The following USP42 variants were observed in gnomAD, a reference collection of about 807,000 sequenced individuals.
USP42 encodes ubiquitin specific peptidase 42, also known as ubiquitin carboxyl-terminal hydrolase 42.
USP42 carries 23 observed loss-of-function variants against 113.0 expected under a neutral mutation model. That is an observed-to-expected ratio of 0.20 (90% CI 0.15 to 0.29). The LOEUF (loss-of-function observed/expected upper bound fraction) is 0.29. Among genes scored for constraint, USP42 ranks in the 10% least tolerant of loss-of-function variants. The pLI, the probability that USP42 is intolerant of heterozygous loss-of-function variation, is 1.00. For synonymous variants in USP42, 933 were observed against 699.0 expected, an observed-to-expected ratio of 1.33 and a Z score of -5.28; for missense variants, 2,174 against 1,779.8, an observed-to-expected ratio of 1.22 and a Z score of -3.99.
At chr7:6,152,463 C>T (rs915839769) in intron 14 of USP42, among the ~76,000 whole-genome samples, 2 of 152,312 alleles carry the variant, frequency 1.3e-5, no homozygotes, top group African/African-American at 4.8e-5. Flanking sequence ...TTCATGCTGG[C>T]GGGGCTCCCA....
intron 3 of USP42, 110 bp downstream of exon 3, chr7:6,115,633 A>G: frequency 7.4e-7 from 1 of 1,354,372 alleles, no homozygotes; most frequent in Non-Finnish European, 1.0e-6. Context: ...ATTACTAAGA[A>G]GTTGGTTTAT....
chr7:6,109,039 C>T (rs1010139824), intron 1 of USP42, among the ~76,000 whole-genome samples: 2 of 152,144 alleles, frequency 1.3e-5, no homozygotes, highest in Non-Finnish European at 2.9e-5. Flanking sequence ...AGCACAGTAC[C>T]GTAGAAATCA....
At chr7:6,138,206 A>AT (rs1291061092) in intron 4 of USP42, among the ~76,000 whole-genome samples, 2 of 152,180 alleles carry the variant, frequency 1.3e-5, no homozygotes, top group African/African-American at 4.8e-5. Flanking sequence ...AAAATTCAGT[A>AT]TATATGTTTT....
chr7:6,141,490 C>G (rs1273094307), intron 7 of USP42, among the ~76,000 whole-genome samples: 1 of 151,868 alleles, frequency 6.6e-6, no homozygotes, highest in African/African-American at 2.4e-5. Flanking sequence ...GCCACCGCGC[C>G]CGGCCTGAAT....
chr7:6,149,609 A>T lies in USP42; in HGVS notation c.1413A>T (p.Gly471=), dbSNP rs1421825740. 6.2e-7 allele frequency: 1 copy of T among 1,613,886 alleles called. No homozygotes were observed. Among genetic ancestry groups the T allele is most frequent in the Non-Finnish European group, 8.5e-7 (1 of 1,179,854 alleles). Residue 471 remains glycine, a synonymous_variant, in exon 13 of 18, where the codon GGA becomes GGT. Transcript: ENST00000306177. ...IKNPPHLNGT[G]PLKDTPSSSM... ...ATCCACCTCACTTAAATGGGACTGG[A>T]CCATTGAAAGACACGCCAAGCAGTT...
rs775071035 is a variant in USP42 at position 6,139,243 on chromosome 7, G to A, written c.656+49G>A. On this transcript the variant is annotated intron_variant, in intron 5 of 17. Coordinates refer to ENST00000306177, the MANE Select transcript of USP42 (RefSeq NM_032172.3). This position sits in a 1 kb window ranked among gnomAD's most constrained non-coding sequence, Gnocchi z 4.5. ...ATGTCTTCATTGGGGATCTCTGGTT[G>A]TAGTTTATTCTTATCAGAATTCATT... 3 of 1,380,024 alleles carry A rather than the reference G, an allele frequency of 2.2e-6. No individual in the cohort carries two copies. Among genetic ancestry groups the A allele is most frequent in the Middle Eastern group, 1.8e-4 (1 of 5,554 alleles). 85.5% of individuals were successfully genotyped at this position (1,380,024 alleles called of 1,614,324 possible).
At chr7:6,116,817 C>T (rs776575394) in intron 3 of USP42, 2 of 533,228 alleles carry the variant, frequency 3.8e-6, no homozygotes, top group Non-Finnish European at 3.8e-6. Flanking sequence ...TCCCCACAGA[C>T]AGCTTTCCTA....
At chr7:6,121,077 T>G (rs1583600747) in intron 3 of USP42, among the ~76,000 whole-genome samples, 1 of 152,154 alleles carries the variant, frequency 6.6e-6, no homozygotes, top group African/African-American at 2.4e-5. Flanking sequence ...CGCAACTATG[T>G]GATACGTGAA....
chr7:6,107,070 G>C lies in USP42; in HGVS notation c.-10+2038G>C, dbSNP rs1017444355. ...GCAGATGGAGTTTAGTTTGATGCCT[G>C]ATGGTTTTAGGTCAAGACTTCATTG... On this transcript the variant is annotated intron_variant, in intron 1 of 17. Coordinates refer to ENST00000306177, the MANE Select transcript of USP42 (RefSeq NM_032172.3). Among the ~76,000 whole-genome samples the C allele has an allele frequency of 2.6e-5, 4 of 152,202 alleles. No individual in the cohort carries two copies. The East Asian group carries it at 7.7e-4, about 29-fold the overall frequency.
At chr7:6,155,650 C>A (rs1229440122) in intron 15 of USP42, among the ~76,000 whole-genome samples, 5 of 152,320 alleles carry the variant, frequency 3.3e-5, no homozygotes, top group Admixed American at 2.0e-4. Flanking sequence ...CACACTTTTC[C>A]TGTGCCTGCC....
chr7:6,103,361 ACT>A (rs1280880034), upstream of USP42, among the ~76,000 whole-genome samples: 1 of 150,392 alleles, frequency 6.6e-6, no homozygotes, highest in Non-Finnish European at 1.5e-5. Context: ...ACATGGTGAA[ACT>A]CTGTCTCTAC....
chr7:6,147,016 C>T (rs968403243), intron 11 of USP42, among the ~76,000 whole-genome samples: 1 of 152,258 alleles, frequency 6.6e-6, no homozygotes, highest in Non-Finnish European at 1.5e-5. Context: ...TTCACTCACT[C>T]ACTCGCTCCA....
In USP42 at chr7:6,144,160, A is replaced by G. The variant is rs1236991815; in HGVS notation, c.954A>G (p.Lys318=). The change falls in exon 9 of 18, where the codon AAA becomes AAG. Residue 318 remains lysine, a synonymous_variant. Coordinates refer to ENST00000306177, the MANE Select transcript of USP42 (RefSeq NM_032172.3). ...RSSNVLTLSL[K]RFANFTGGKI... ...CTAATGTTCTTACACTTTCTCTGAA[A>G]CGTTTTGCAAATTTTACCGGTGGAA... 4.4e-6 allele frequency: 7 copies of G among 1,595,462 alleles called. No individual in the cohort carries two copies. The highest frequency in any genetic ancestry group is 1.4e-5 in the African/African-American group (1 of 73,704).
intron 3 of USP42, among the ~76,000 whole-genome samples, chr7:6,132,343 C>G (rs901247656): frequency 1.3e-5 from 2 of 151,538 alleles, no homozygotes; most frequent in African/African-American, 4.8e-5. Context: ...TGATTTTTTG[C>G]TTTTGTTTTT....
the USP42 span, among the ~76,000 whole-genome samples, chr7:6,088,023 G>A: frequency 6.6e-6 from 1 of 151,046 alleles, no homozygotes; most frequent in African/African-American, 2.5e-5. Context: ...CTCTAGGACA[G>A]GCATGGTGGC....
chr7:6,159,615 GGA>G lies in USP42; in HGVS notation c.*36+126_*36+127del, dbSNP rs1782658528. The G allele has an allele frequency of 1.9e-6, 2 of 1,028,648 alleles. No individual in the cohort carries two copies. The highest frequency in any genetic ancestry group is 5.0e-5 in the East Asian group (2 of 40,012). 63.7% of individuals were successfully genotyped at this position (1,028,648 alleles called of 1,614,324 possible). A position where few individuals can be genotyped will look rare whatever the true frequency, so the allele number is the denominator to read the frequency against. On this transcript the variant is annotated intron_variant, in intron 17 of 17. Transcript: ENST00000306177. This position sits in a 1 kb window ranked among gnomAD's most constrained non-coding sequence, Gnocchi z 4.1. ...GGCTCATAGGAGTTGGCAGAGCCAT[GGA>G]GAGGCCCCGGCAGGTTCCCAGCCAG...
chr7:6,114,670 ATATATATATTTTTTTTTTT>A (rs1779797218), intron 2 of USP42, among the ~76,000 whole-genome samples: 1 of 39,702 alleles, frequency 2.5e-5, no homozygotes, highest in Non-Finnish European at 4.3e-5. Flanking sequence ...ATATATATAT[ATATATATATTTTTTTTTTT>A]TTTTTTTTTT....
chr7:6,124,453 A>G (rs1223014574), intron 3 of USP42, among the ~76,000 whole-genome samples: 1 of 151,252 alleles, frequency 6.6e-6, no homozygotes, highest in Non-Finnish European at 1.5e-5. Flanking sequence ...TTTAGTAGAG[A>G]TGGGGTTTCA....
chr7:6,115,535 G>A lies in USP42; in HGVS notation c.442+12G>A, dbSNP rs62454267. On this transcript the variant is annotated intron_variant, in intron 3 of 17. Transcript: ENST00000306177. ...ACACTCCAAAACATGTAAGTGTTCC[G>A]TGTTGTGTTTGTAGTATTGTAGTGC... The A allele has an allele frequency of 6.2e-5, 100 of 1,613,268 alleles. No individual in the cohort carries two copies. Among genetic ancestry groups the A allele is most frequent in the Non-Finnish European group, 4.7e-5 (55 of 1,179,498 alleles).
Sources: gnomAD v4.1 joint callset for allele counts (sites outside exome capture counted in the v4.1 genomes callset) on GRCh38, gnomAD v4.1.1 for gene constraint, Gnocchi (gnomAD v3.1) non-coding constraint, MANE v1.5 for transcripts, NCBI Gene and HGNC (gene_info 2026-07-23, HGNC 2026-07-21) for gene names.